Variants in PRDM5 observed in about 807,000 individuals in gnomAD.
PRDM5 encodes PR domain zinc finger protein 5.
PRDM5 carries 56 observed loss-of-function variants against 81.2 expected under a neutral mutation model. The observed-to-expected ratio is 0.69, with a 90% CI of 0.56 to 0.86. The LOEUF is 0.86. PRDM5 is among the 40% of genes least tolerant of loss of function. The probability of loss-of-function intolerance (pLI) is 0.00; values close to 1 mark genes in which losing one functional copy is unlikely to be tolerated. For missense variants in PRDM5, 697 were observed against 770.1 expected, an observed-to-expected ratio of 0.91 and a Z score of 1.12; for synonymous variants, 267 against 256.4, an observed-to-expected ratio of 1.04 and a Z score of -0.39.
At chr4:120,704,294 C>G (rs1735793270) in intron 15 of PRDM5, among the ~76,000 whole-genome samples, 1 of 152,146 alleles carries the variant, frequency 6.6e-6, no homozygotes, top group Non-Finnish European at 1.5e-5. Flanking sequence ...CAGTAAAAGA[C>G]TCCAAATGAT....
intron 14 of PRDM5, among the ~76,000 whole-genome samples, chr4:120,732,002 G>T (rs1396130453): frequency 2.0e-5 from 3 of 152,172 alleles, no homozygotes; most frequent in Non-Finnish European, 4.4e-5. Flanking sequence ...AGTTGTAATG[G>T]TTCCTATAGC....
intron 3 of PRDM5, among the ~76,000 whole-genome samples, chr4:120,829,264 C>G (rs1026982848): frequency 6.6e-6 from 1 of 151,986 alleles, no homozygotes; most frequent in African/African-American, 2.4e-5. Flanking sequence ...ATGGTTAGGA[C>G]CAAATGAACT....
At chr4:120,764,199 A>G (rs2086231806) in intron 13 of PRDM5, among the ~76,000 whole-genome samples, 2 of 152,230 alleles carry the variant, frequency 1.3e-5, no homozygotes, top group African/African-American at 4.8e-5. Flanking sequence ...CCTAGGCCAT[A>G]TCCATTTTTG....
intron 1 of PRDM5, among the ~76,000 whole-genome samples, chr4:120,915,069 C>T (rs970356361): frequency 2.0e-5 from 3 of 152,060 alleles, no homozygotes; most frequent in Admixed American, 2.0e-4. Flanking sequence ...GTGAGTGGTA[C>T]ACCAAAATCT....
At chr4:120,867,199 G>A (rs567811743) in intron 2 of PRDM5, among the ~76,000 whole-genome samples, 8 of 152,060 alleles carry the variant, frequency 5.3e-5, no homozygotes, top group African/African-American at 1.7e-4. Context: ...ACCTTGATCT[G>A]GCCTTTTAAG....
intron 14 of PRDM5, among the ~76,000 whole-genome samples, chr4:120,749,360 A>G (rs569324108): frequency 6.6e-6 from 1 of 152,272 alleles, no homozygotes; most frequent in African/African-American, 2.4e-5. Context: ...GCACATGGAA[A>G]GTCCACAGCC....
intron 2 of PRDM5, among the ~76,000 whole-genome samples, chr4:120,856,466 C>A (rs1305886958): frequency 6.6e-6 from 1 of 152,220 alleles, no homozygotes; most frequent in African/African-American, 2.4e-5. Flanking sequence ...TGCCTGTTTT[C>A]TCCAGCTTTC....
intron 2 of PRDM5, among the ~76,000 whole-genome samples, chr4:120,853,889 T>C (rs989480770): frequency 3.3e-5 from 5 of 152,182 alleles, no homozygotes; most frequent in African/African-American, 1.2e-4. Flanking sequence ...CCTTCCCCTT[T>C]TCTCCAAAGA....
At chr4:120,816,633 T>A in intron 6 of PRDM5, 59 bp from the exon 7 acceptor site, 2 of 1,609,562 alleles carry the variant, frequency 1.2e-6, no homozygotes, top group Non-Finnish European at 1.7e-6. Flanking sequence ...CCTACAAAAC[T>A]CAAACATCAG....
At chr4:120,874,512 A>C (rs1229906046) in intron 2 of PRDM5, among the ~76,000 whole-genome samples, 1 of 152,184 alleles carries the variant, frequency 6.6e-6, no homozygotes, top group Admixed American at 6.5e-5. Flanking sequence ...ACTGCATGTG[A>C]TTGGTTTCAA....
At chr4:120,685,823 T>G (rs1329682361) in intron 1 of PRDM5, among the ~76,000 whole-genome samples, 1 of 152,148 alleles carries the variant, frequency 6.6e-6, no homozygotes, top group East Asian at 1.9e-4. Flanking sequence ...TCCCTCCTTT[T>G]CTTTTTGTCC....
At position 120,829,732 on chromosome 4, in the gene PRDM5, T is replaced by C. The variant is rs544794451; in HGVS notation, c.301-8387A>G. 7.2e-5 allele frequency among the ~76,000 whole-genome samples: 11 copies of C among 152,154 alleles called. No individual in the cohort carries two copies. In the South Asian group the frequency reaches 1.7e-3, roughly 23 times the overall value. On this transcript the variant is annotated intron_variant, in intron 3 of 15. Transcript: ENST00000264808. Reference sequence around the variant, plus strand: ...ATTGGCAAAGGTACAATTCATTATATTGAAAAGGTAGTAAATTGTGAAAAT... The same window carrying C: ...ATTGGCAAAGGTACAATTCATTATACTGAAAAGGTAGTAAATTGTGAAAAT...
chr4:120,777,356 T>C lies in PRDM5; in HGVS notation c.1444-75A>G, dbSNP rs1748328173. 15 of 1,597,590 alleles carry C rather than the reference T, an allele frequency of 9.4e-6. 1 individual carries two copies. The Admixed American group carries it at 2.6e-4, about 27-fold the overall frequency. ...AAAGATGATTAAATGCCTCTGACAATAGTAAATCCTTATTTTGTAGGATTA... is the reference window on the plus strand; with the variant it reads ...AAAGATGATTAAATGCCTCTGACAACAGTAAATCCTTATTTTGTAGGATTA... On this transcript the variant is annotated intron_variant, in intron 12 of 15. Coordinates refer to ENST00000264808, the MANE Select transcript of PRDM5 (RefSeq NM_018699.4).
intron 3 of PRDM5, among the ~76,000 whole-genome samples, chr4:120,822,884 A>G (rs1755472023): frequency 6.6e-6 from 1 of 152,190 alleles, no homozygotes; most frequent in Non-Finnish European, 1.5e-5. Flanking sequence ...CACTCTTGGA[A>G]GTTTTTAAAT....
intron 15 of PRDM5, among the ~76,000 whole-genome samples, chr4:120,700,173 T>C (rs10014505): frequency 0.074 from 11,249 of 151,720 alleles, 862 homozygotes; most frequent in African/African-American, 0.17. Flanking sequence ...TTTGACAAGG[T>C]TGACAAAAAT....
intron 15 of PRDM5, among the ~76,000 whole-genome samples, chr4:120,702,673 G>A (rs114658740): frequency 0.016 from 2,362 of 152,278 alleles, 34 homozygotes; most frequent in Middle Eastern, 0.024. Flanking sequence ...AAAGACTGCA[G>A]AATAATCCTG....
intron 15 of PRDM5, among the ~76,000 whole-genome samples, chr4:120,699,389 T>C (rs1735028699): frequency 6.6e-6 from 1 of 151,804 alleles, no homozygotes; most frequent in Admixed American, 6.6e-5. Flanking sequence ...TTTAGCAACT[T>C]GTTCATTTTG....
chr4:120,765,959 CTTTCTTTTTTTTTTTTT>C (rs1746320915), intron 13 of PRDM5, among the ~76,000 whole-genome samples: 1 of 136,994 alleles, frequency 7.3e-6, no homozygotes, highest in African/African-American at 2.6e-5. Context: ...TTTTTTTTTT[CTTTCTTTTTTTTTTTTT>C]TTAGACAGAG....
chr4:120,869,797 C>A (rs1426199824), intron 2 of PRDM5, among the ~76,000 whole-genome samples: 1 of 152,008 alleles, frequency 6.6e-6, no homozygotes, highest in African/African-American at 2.4e-5. Context: ...CCTCCTTTGC[C>A]ATGTTGAAAA....
Sources: gnomAD v4.1 joint callset for allele counts (sites outside exome capture counted in the v4.1 genomes callset) on GRCh38, gnomAD v4.1.1 for gene constraint, MANE v1.5 for transcripts, NCBI Gene and HGNC (gene_info 2026-07-23, HGNC 2026-07-21) for gene names.